The following UACA variants were observed in gnomAD, a reference collection of about 807,000 sequenced individuals.
UACA encodes the protein uveal autoantigen with coiled-coil domains and ankyrin repeats.
In UACA, 112 loss-of-function variants were observed where a neutral mutation model predicts 160.5. The ratio of observed to expected loss-of-function variants is 0.70; its 90% CI spans 0.60 to 0.82. The LOEUF is 0.82. Among genes scored for constraint, UACA ranks in the 40% least tolerant of loss-of-function variants. The pLI is 0.00. For missense variants in UACA, 1,574 were observed against 1,614.6 expected, an observed-to-expected ratio of 0.97 and a Z score of 0.43; for synonymous variants, 557 against 568.4, an observed-to-expected ratio of 0.98 and a Z score of 0.29.
intron 1 of UACA, among the ~76,000 whole-genome samples, chr15:70,717,978 T>C (rs1413676012): frequency 6.6e-6 from 1 of 151,248 alleles, no homozygotes; most frequent in East Asian, 2.0e-4. Context: ...AATTTCAGAT[T>C]TGCCAGTACC....
At chr15:70,771,746 C>G in the UACA span, among the ~76,000 whole-genome samples, 1 of 152,204 alleles carries the variant, frequency 6.6e-6, no homozygotes, top group Non-Finnish European at 1.5e-5. Context: ...TGACTTTGAA[C>G]TAAGGTCTGA....
intron 1 of UACA, among the ~76,000 whole-genome samples, chr15:70,736,875 T>A (rs1268824681): frequency 6.6e-6 from 1 of 152,252 alleles, no homozygotes; most frequent in African/African-American, 2.4e-5. Flanking sequence ...TAAATGCTTA[T>A]ACTTGTAAGC....
chr15:70,688,222 G>A (rs1445379123), intron 5 of UACA, among the ~76,000 whole-genome samples: 1 of 152,088 alleles, frequency 6.6e-6, no homozygotes, highest in Non-Finnish European at 1.5e-5. Context: ...GTCACAGTAA[G>A]TAAAGTATGA....
intron 1 of UACA, among the ~76,000 whole-genome samples, chr15:70,751,012 T>C (rs1249576189): frequency 1.3e-5 from 2 of 152,246 alleles, no homozygotes; most frequent in Non-Finnish European, 2.9e-5. Context: ...TTCACTTTAA[T>C]ATGACTTATT....
At chr15:70,696,272 A>T (rs1178771545) in intron 2 of UACA, among the ~76,000 whole-genome samples, 1 of 152,230 alleles carries the variant, frequency 6.6e-6, no homozygotes, top group Non-Finnish European at 1.5e-5. Context: ...ATTTTGGAAT[A>T]GAATAAATTC....
chr15:70,707,261 A>C (rs1423639708), intron 1 of UACA, among the ~76,000 whole-genome samples: 1 of 152,222 alleles, frequency 6.6e-6, no homozygotes, highest in Non-Finnish European at 1.5e-5. Flanking sequence ...TTTATCTTAC[A>C]TCAGATGCAA....
intron 1 of UACA, among the ~76,000 whole-genome samples, chr15:70,715,032 A>G (rs1422276027): frequency 6.6e-6 from 1 of 152,182 alleles, no homozygotes; most frequent in Non-Finnish European, 1.5e-5. Flanking sequence ...GCTGGATAAG[A>G]TTTTGTTTAA....
At chr15:70,762,216 A>C (rs769939118) in intron 1 of UACA, among the ~76,000 whole-genome samples, 5 of 142,788 alleles carry the variant, frequency 3.5e-5, no homozygotes, top group Non-Finnish European at 6.1e-5. Flanking sequence ...TGTCCAAGTA[A>C]AATAATCCTC....
chr15:70,678,905 AT>A (rs1197664528), intron 10 of UACA, among the ~76,000 whole-genome samples: 21 of 152,196 alleles, frequency 1.4e-4, no homozygotes, highest in Admixed American at 4.6e-4. Context: ...ATTAATGATC[AT>A]TTTTAATACT....
Position 70,763,312 on chromosome 15 carries a change from C to T in UACA, c.78+18G>A. ...CTCCCGGAGCGGAGCGCCTCGCAGCCCGGACCGCGGGACTCACCGCGCTGG... is the reference window on the plus strand; with the variant it reads ...CTCCCGGAGCGGAGCGCCTCGCAGCTCGGACCGCGGGACTCACCGCGCTGG... On this transcript the variant is annotated intron_variant, in intron 1 of 18. Transcript: ENST00000322954. The T allele has an allele frequency of 2.3e-6, 3 of 1,327,428 alleles. No individual in the cohort carries two copies. The highest frequency in any genetic ancestry group is 2.9e-6 in the Non-Finnish European group (3 of 1,032,726). 82.2% of individuals were successfully genotyped at this position (1,327,428 alleles called of 1,614,324 possible). A position where few individuals can be genotyped will look rare whatever the true frequency, so the allele number is the denominator to read the frequency against.
chr15:70,660,258 C>A, intron 17 of UACA, 42 bp from the exon 18 acceptor site: 2 of 1,557,754 alleles, frequency 1.3e-6, no homozygotes, highest in South Asian at 2.3e-5. Context: ...TATCAGCGTT[C>A]ACATTTCCAA....
intron 1 of UACA, chr15:70,703,210 A>G (rs1898426315): frequency 7.8e-7 from 1 of 1,288,978 alleles, no homozygotes; most frequent in South Asian, 1.2e-5. Context: ...CCATGTTCTC[A>G]TTACCACAAT....
Position 70,667,972 on chromosome 15 carries a change from ATTC to A in UACA, c.2709_2711del (p.Lys903del). The A allele has an allele frequency of 6.2e-7, 1 of 1,602,556 alleles. No individual in the cohort carries two copies. The highest frequency in any genetic ancestry group is 8.5e-7 in the Non-Finnish European group (1 of 1,175,224). ...TTTCCAGGTTTCTTTTTAATATTTCATTCTTATCTTTTATTTTTACAAATTCCT... is the reference window on the plus strand; with the variant it reads ...TTTCCAGGTTTCTTTTTAATATTTCATTATCTTTTATTTTTACAAATTCCT... On this transcript the variant is annotated inframe_deletion, in exon 16 of 19. Transcript: ENST00000322954.
At chr15:70,764,456 G>T (rs991126435), upstream of UACA, among the ~76,000 whole-genome samples, 1 of 152,188 alleles carries the variant, frequency 6.6e-6, no homozygotes, top group South Asian at 2.1e-4. Context: ...TGCTGTTCGG[G>T]TGACATCTTC....
At chr15:70,754,502 G>C (rs1338508906) in intron 1 of UACA, among the ~76,000 whole-genome samples, 1 of 152,146 alleles carries the variant, frequency 6.6e-6, no homozygotes, top group African/African-American at 2.4e-5. Context: ...GTGTAGGTTA[G>C]GTGTCTTAAA....
intron 1 of UACA, among the ~76,000 whole-genome samples, chr15:70,729,935 T>A (rs1287109912): frequency 8.9e-6 from 1 of 112,086 alleles, no homozygotes; most frequent in Non-Finnish European, 1.7e-5. Context: ...GAGGGTCCTG[T>A]CTGTTAGAAG....
intron 5 of UACA, among the ~76,000 whole-genome samples, chr15:70,689,815 TTA>T (rs1226953178): frequency 6.6e-6 from 1 of 151,990 alleles, no homozygotes; most frequent in Non-Finnish European, 1.5e-5. Context: ...GCAAATAAAT[TTA>T]GACACACAAG....
chr15:70,672,205 C>A (rs1566967962), intron 13 of UACA, among the ~76,000 whole-genome samples: 2 of 152,002 alleles, frequency 1.3e-5, no homozygotes, highest in Non-Finnish European at 2.9e-5. Context: ...AAGTACTTCA[C>A]TAAGCATTTT....
At chr15:70,769,336 CTCA>C in the UACA span, among the ~76,000 whole-genome samples, 1 of 59,910 alleles carries the variant, frequency 1.7e-5, no homozygotes, top group Non-Finnish European at 3.1e-5. Flanking sequence ...GAGACTCCGA[CTCA>C]AAAAAAAAAA....
Sources: gnomAD v4.1 joint callset for allele counts (sites outside exome capture counted in the v4.1 genomes callset) on GRCh38, gnomAD v4.1.1 for gene constraint, MANE v1.5 for transcripts, NCBI Gene and HGNC (gene_info 2026-07-23, HGNC 2026-07-21) for gene names.